The following ACOX2 variants were observed in gnomAD, a reference collection of about 807,000 sequenced individuals.
The protein encoded by ACOX2 is acyl-CoA oxidase 2, also known as peroxisomal acyl-coenzyme A oxidase 2.
ACOX2 carries 59 observed loss-of-function variants against 77.5 expected under a neutral mutation model. The observed-to-expected ratio is 0.76, with a 90% confidence interval of 0.62 to 0.95. The LOEUF (loss-of-function observed/expected upper bound fraction) is 0.95. ACOX2 is among the 40% of genes least tolerant of loss of function. The pLI, the probability that ACOX2 is intolerant of heterozygous loss-of-function variation, is 0.00. For synonymous variants in ACOX2, 317 were observed against 340.1 expected (o/e 0.93, Z 0.75); for missense variants, 837 against 880.4 (o/e 0.95, Z 0.62).
At chr3:58,509,553 A>G (rs755285295) in intron 13 of ACOX2, among the ~76,000 whole-genome samples, 11 of 151,240 alleles carry the variant, frequency 7.3e-5, no homozygotes, top group Non-Finnish European at 1.2e-4. Context: ...ATAAATAAAT[A>G]ACGAGCATAT....
At position 58,510,701 on chromosome 3, in the gene ACOX2, TATATATATACACACACACACAC is replaced by T. The variant is rs1369106071; in HGVS notation, c.1851-1698_1851-1677del. 0.011 allele frequency among the ~76,000 whole-genome samples: 58 copies of T among 5,452 alleles called. 2 individuals carry two copies. In the East Asian group the frequency reaches 0.12, roughly 12 times the overall value. 3.6% of individuals were successfully genotyped at this position (5,452 alleles called of 152,430 possible). ...ATATATATATATATATATATATATA[TATATATATACACACACACACAC>T]ACACACACACACACACACTCAACGA... is the stretch of plus-strand genomic sequence containing the variant. On this transcript the variant is annotated intron_variant, in intron 13 of 14. Transcript: ENST00000302819.
intron 5 of ACOX2, among the ~76,000 whole-genome samples, chr3:58,532,378 T>C (rs1014958138): frequency 5.3e-5 from 8 of 151,970 alleles, no homozygotes; most frequent in African/African-American, 1.9e-4. Context: ...TTTTTCTTTT[T>C]CTTCTTTCTT....
intron 13 of ACOX2, among the ~76,000 whole-genome samples, chr3:58,510,632 C>A (rs1342427031): frequency 2.9e-4 from 2 of 6,840 alleles, no homozygotes; most frequent in South Asian, 0.012. Context: ...GACTCCCGCT[C>A]AAAAAAAAAA....
chr3:58,517,614 G>GT (rs1491342149), intron 12 of ACOX2, among the ~76,000 whole-genome samples, 191 bp from the exon 13 acceptor site: 1 of 133,068 alleles, frequency 7.5e-6, no homozygotes, highest in Non-Finnish European at 1.6e-5. Flanking sequence ...TGTGTGTGTT[G>GT]GGGGGGGGAG....
In ACOX2 at chr3:58,514,207, A is replaced by G. The variant is rs925612145; in HGVS notation, c.1850+2999T>C. ...TGTAATCCCAGCACTTTGGGAGGCTAAGGTAGGAGGATCCCTTGAGCCCAG... is the reference window on the plus strand; with the variant it reads ...TGTAATCCCAGCACTTTGGGAGGCTGAGGTAGGAGGATCCCTTGAGCCCAG... On this transcript the variant is annotated intron_variant, in intron 13 of 14. Transcript: ENST00000302819. This position sits in a 1 kb window ranked among gnomAD's most constrained non-coding sequence, Gnocchi z 4.3. 3.9e-5 allele frequency among the ~76,000 whole-genome samples: 6 copies of G among 152,224 alleles called. No homozygotes were observed. The highest frequency in any genetic ancestry group is 1.4e-4 in the African/African-American group (6 of 41,536).
rs2063388648 is a variant in ACOX2 at position 58,525,595 on chromosome 3, A to G, written c.1346+871T>C. Among the ~76,000 whole-genome samples the G allele has an allele frequency of 6.6e-6, 1 of 152,208 alleles. No individual in the cohort carries two copies. Among genetic ancestry groups the G allele is most frequent in the Non-Finnish European group, 1.5e-5 (1 of 68,042 alleles). On this transcript the variant is annotated intron_variant, in intron 10 of 14. Coordinates refer to ENST00000302819, the MANE Select transcript of ACOX2 (RefSeq NM_003500.4). The surrounding 1 kb of genome is among the most constrained non-coding windows in gnomAD (Gnocchi z 5.0). ...AGCTCCTAATCTAGTTGGAGAGTAG[A>G]GCTAAAAAGGTGAACAAAAAAATGA...
rs573978562 is a variant in ACOX2, at chr3:58,524,530, G to A, written c.1422C>T (p.Val474=). 3.0e-5 allele frequency: 48 copies of A among 1,614,176 alleles called. No individual in the cohort carries two copies. Among genetic ancestry groups the A allele is most frequent in the East Asian group, 2.5e-4 (11 of 44,888 alleles). ...CCAGGTCAGGTGCGGTGAGATATGCGACAGATGGAGAGAGAGATCTCTGTG... is the reference window on the plus strand; with the variant it reads ...CCAGGTCAGGTGCGGTGAGATATGCAACAGATGGAGAGAGAGATCTCTGTG... The part of the protein sequence containing the change: ...STPQRSLSPS[V]AYLTAPDLAR... The change falls in exon 11 of 15, where the codon GTC becomes GTT. Residue 474 remains valine, a synonymous_variant. Coordinates refer to ENST00000302819, the MANE Select transcript of ACOX2 (RefSeq NM_003500.4). The surrounding 1 kb of genome is among the most constrained non-coding windows in gnomAD (Gnocchi z 5.5).
chr3:58,529,522 A>T (rs1238402679), intron 8 of ACOX2, among the ~76,000 whole-genome samples: 1 of 152,224 alleles, frequency 6.6e-6, no homozygotes, highest in Non-Finnish European at 1.5e-5. Flanking sequence ...GGATGTGATT[A>T]CAAGAAGCCT....
rs543869414 is a variant in ACOX2, at chr3:58,506,740, C to G, written c.1984-1454G>C. Among the ~76,000 whole-genome samples, 14 of 152,188 alleles carry G rather than the reference C, an allele frequency of 9.2e-5. No individual in the cohort carries two copies. In the South Asian group the frequency reaches 2.7e-3, roughly 29 times the overall value. Reference sequence around the variant, plus strand: ...TGGGAGGCAGAGGGTTGCAGTGAGCCGCGGTTGTGCCACTGCATTTCAGCC... The same window carrying G: ...TGGGAGGCAGAGGGTTGCAGTGAGCGGCGGTTGTGCCACTGCATTTCAGCC... On this transcript the variant is annotated intron_variant, in intron 14 of 14. Transcript: ENST00000302819.
chr3:58,521,313 G>A lies in ACOX2; in HGVS notation c.1632+1183C>T, dbSNP rs2063356992. Among the ~76,000 whole-genome samples the A allele has an allele frequency of 6.6e-6, 1 of 152,230 alleles. No individual in the cohort carries two copies. Among genetic ancestry groups the A allele is most frequent in the East Asian group, 1.9e-4 (1 of 5,196 alleles). Reference sequence around the variant, plus strand: ...ACGAGGGCCTCTGCAGCCCTTCAGGGCTCTCCTGTTCCAAGGCTGCCATTT... The same window carrying A: ...ACGAGGGCCTCTGCAGCCCTTCAGGACTCTCCTGTTCCAAGGCTGCCATTT... On this transcript the variant is annotated intron_variant, in intron 12 of 14. Coordinates refer to ENST00000302819, the MANE Select transcript of ACOX2 (RefSeq NM_003500.4). This position sits in a 1 kb window ranked among gnomAD's most constrained non-coding sequence, Gnocchi z 4.8.
rs758163018 is a variant in ACOX2, at chr3:58,526,568, T to C, written c.1244A>G (p.His415Arg). ...CAGGCCACTCAGCTTTGAGTAGCCA[T>C]GTCCGCCACAGGCCCTGCGGCACAT... ...AEMCRRACGG[H>R]GYSKLSGLPS... Residue 415 changes from histidine (H) to arginine (R), a missense_variant, in exon 10 of 15, where the codon CAT (histidine) becomes CGT (arginine). His to Arg is a conservative substitution (Grantham distance 29). Coordinates refer to ENST00000302819, the MANE Select transcript of ACOX2 (RefSeq NM_003500.4). This position sits in a 1 kb window ranked among gnomAD's most constrained non-coding sequence, Gnocchi z 4.3. The C allele has an allele frequency of 1.9e-6, 3 of 1,614,240 alleles. No homozygotes were observed. Among genetic ancestry groups the C allele is most frequent in the African/African-American group, 2.7e-5 (2 of 75,070 alleles).
rs774231488 is a variant in ACOX2 at position 58,534,570 on chromosome 3, T to C, written c.161-48A>G. On this transcript the variant is annotated intron_variant, in intron 2 of 14. Transcript: ENST00000302819. The surrounding 1 kb of genome is among the most constrained non-coding windows in gnomAD (Gnocchi z 4.8). ...GGCTTAGGGACCTGGGTGAGGTTTC[T>C]GGCACCTTGAAATCTTCTCACCCAC... 10 of 1,613,862 alleles carry C rather than the reference T, an allele frequency of 6.2e-6. No individual in the cohort carries two copies. The highest frequency in any genetic ancestry group is 8.5e-6 in the Non-Finnish European group (10 of 1,179,990).
rs2063456574 is a variant in ACOX2, at chr3:58,533,585, C to T, written c.476-33G>A. 2.5e-6 allele frequency: 4 copies of T among 1,605,010 alleles called. No homozygotes were observed. Among genetic ancestry groups the T allele is most frequent in the South Asian group, 1.1e-5 (1 of 90,758 alleles). ...TCAAGGAGAGGTGTTAGACATTGGC[C>T]TGAGGTGGGGTTCTTACCTGTGAAG... On this transcript the variant is annotated intron_variant, in intron 4 of 14. Coordinates refer to ENST00000302819, the MANE Select transcript of ACOX2 (RefSeq NM_003500.4). This position sits in a 1 kb window ranked among gnomAD's most constrained non-coding sequence, Gnocchi z 5.6.
chr3:58,528,806 G>C lies in ACOX2; in HGVS notation c.1143C>G (p.Ser381Arg). 1 of 1,609,844 alleles carries C rather than the reference G, an allele frequency of 6.2e-7. No homozygotes were observed. Among genetic ancestry groups the C allele is most frequent in the Non-Finnish European group, 8.5e-7 (1 of 1,177,936 alleles). Residue 381 changes from serine (S) to arginine (R), a missense_variant, in exon 9 of 15, where the codon AGC becomes AGG. Ser to Arg is a moderately radical substitution (Grantham distance 110, BLOSUM62 -1). Coordinates refer to ENST00000302819, the MANE Select transcript of ACOX2 (RefSeq NM_003500.4). This position sits in a 1 kb window ranked among gnomAD's most constrained non-coding sequence, Gnocchi z 5.6. ...SYTAILNQDF[S>R]FLPELHALST... ...AGACAGCAGGTACCTCAGGCAGGAAGCTGAAGTCTTGGTTCAGAATGGCAG... is the reference window on the plus strand; with the variant it reads ...AGACAGCAGGTACCTCAGGCAGGAACCTGAAGTCTTGGTTCAGAATGGCAG...
At position 58,526,454 on chromosome 3, in the gene ACOX2, C is replaced by A. The variant is rs111832572; in HGVS notation, c.1346+12G>T. The A allele has an allele frequency of 1.9e-6, 3 of 1,606,396 alleles. No homozygotes were observed. The highest frequency in any genetic ancestry group is 2.2e-5 in the South Asian group (2 of 89,604). On this transcript the variant is annotated intron_variant, in intron 10 of 14. Transcript: ENST00000302819. This position sits in a 1 kb window ranked among gnomAD's most constrained non-coding sequence, Gnocchi z 4.3. The stretch of plus-strand genomic sequence containing the variant: ...GGGCTTGGGCAAAGGCCTGGGTCAG[C>A]CTGGACCTTACCTGGCCACCTGCAG...
In ACOX2 at chr3:58,534,539, A is replaced by G. The variant is rs1293185558; in HGVS notation, c.161-17T>C. ...TGATGCTCTCTGCAGAGGACAGAGA[A>G]CAGAGGGCTTAGGGACCTGGGTGAG... is the stretch of plus-strand genomic sequence containing the variant. On this transcript the variant is annotated splice_polypyrimidine_tract_variant and intron_variant, in intron 2 of 14. Transcript: ENST00000302819. This position sits in a 1 kb window ranked among gnomAD's most constrained non-coding sequence, Gnocchi z 4.8. 1 of 1,614,088 alleles carries G rather than the reference A, an allele frequency of 6.2e-7. No homozygotes were observed. The highest frequency in any genetic ancestry group is 8.5e-7 in the Non-Finnish European group (1 of 1,180,026).
chr3:58,528,666 G>C lies in ACOX2; in HGVS notation c.1155+128C>G. On this transcript the variant is annotated intron_variant, in intron 9 of 14. Coordinates refer to ENST00000302819, the MANE Select transcript of ACOX2 (RefSeq NM_003500.4). This position sits in a 1 kb window ranked among gnomAD's most constrained non-coding sequence, Gnocchi z 5.6. ...GCCGTTCACCCAGACGCCCTGGGAT[G>C]CTGAAAGCTGGGAGAGGTGGGGGTG... 8.0e-7 allele frequency: 1 copy of C among 1,253,188 alleles called. No individual in the cohort carries two copies. The highest frequency in any genetic ancestry group is 1.1e-6 in the Non-Finnish European group (1 of 939,254). 77.6% of individuals were successfully genotyped at this position (1,253,188 alleles called of 1,614,324 possible). A position where few individuals can be genotyped will look rare whatever the true frequency, so the allele number is the denominator to read the frequency against.
rs574073261 is a variant in ACOX2, at chr3:58,531,374, G to C, written c.704-8C>G. ...TGTCCCCAATGATGATTCCTTGAAG[G>C]AGATGGAGATGAGGACACCTATCAG... On this transcript the variant is annotated splice_polypyrimidine_tract_variant and splice_region_variant and intron_variant, in intron 6 of 14. Transcript: ENST00000302819. The surrounding 1 kb of genome is among the most constrained non-coding windows in gnomAD (Gnocchi z 5.8). 34 of 1,610,782 alleles carry C rather than the reference G, an allele frequency of 2.1e-5. No homozygotes were observed. The East Asian group carries it at 4.9e-4, about 23-fold the overall frequency.
rs977366936 is a variant in ACOX2 at position 58,522,890 on chromosome 3, T to C, written c.1527-289A>G. 1.4e-4 allele frequency: 50 copies of C among 364,034 alleles called. No individual in the cohort carries two copies. Among genetic ancestry groups the C allele is most frequent in the African/African-American group, 9.6e-4 (46 of 48,044 alleles). The allele number at this position is 364,034 out of a possible 1,614,324, so 22.6% of individuals were successfully genotyped here. On this transcript the variant is annotated intron_variant, in intron 11 of 14. Transcript: ENST00000302819. This position sits in a 1 kb window ranked among gnomAD's most constrained non-coding sequence, Gnocchi z 4.3. ...TGACTTGTTGTTAATCGCCATGTTA[T>C]AAAGCCTCAGGGCCACAGGCCAGGA...
Sources: gnomAD v4.1 joint callset for allele counts (sites outside exome capture counted in the v4.1 genomes callset) on GRCh38, gnomAD v4.1.1 for gene constraint, Gnocchi (gnomAD v3.1) non-coding constraint, MANE v1.5 for transcripts, NCBI Gene and HGNC (gene_info 2026-07-23, HGNC 2026-07-21) for gene names.